Variants in COL4A4 observed in about 807,000 individuals in gnomAD.
COL4A4 encodes collagen type IV alpha 4 chain.
A neutral mutation model predicts 192.9 loss-of-function variants in COL4A4; 105 were observed. The ratio of observed to expected loss-of-function variants is 0.54; its 90% confidence interval spans 0.46 to 0.64. The LOEUF (loss-of-function observed/expected upper bound fraction) is 0.64. Among genes scored for constraint, COL4A4 ranks in the 30% least tolerant of loss-of-function variants. The probability of loss-of-function intolerance (pLI) is 0.00; values close to 1 mark genes in which losing one functional copy is unlikely to be tolerated. For synonymous variants in COL4A4, 762 were observed against 769.9 expected (o/e 0.99, Z 0.17); for missense variants, 1,967 against 2,169.3 (o/e 0.91, Z 1.85).
rs185206587 is a variant in COL4A4 at position 227,109,952 on chromosome 2, A to G, written c.595-666T>C. ...TTTTGATATACATCAGGATGCTTTT[A>G]AAGTATTATTATTAATTAACATTAT... On this transcript the variant is annotated intron_variant, in intron 9 of 47. Coordinates refer to ENST00000396625, the MANE Select transcript of COL4A4 (RefSeq NM_000092.5). Among the ~76,000 whole-genome samples the G allele has an allele frequency of 3.2e-3, 482 of 152,294 alleles. 4 individuals carry two copies. The highest frequency in any genetic ancestry group is 3.3e-3 in the Admixed American group (51 of 15,304).
At chr2:227,095,003 CA>C (rs1180686978) in intron 19 of COL4A4, among the ~76,000 whole-genome samples, 1 of 152,096 alleles carries the variant, frequency 6.6e-6, no homozygotes, top group Non-Finnish European at 1.5e-5. Context: ...AAAGAAAAAA[CA>C]TAGCTCAAAA....
At chr2:227,081,423 A>G (rs768495382) in intron 23 of COL4A4, among the ~76,000 whole-genome samples, 3 of 152,020 alleles carry the variant, frequency 2.0e-5, no homozygotes, top group Non-Finnish European at 4.4e-5. Flanking sequence ...TGGACTCTTA[A>G]ACTTACATCA....
Position 227,161,240 on chromosome 2 carries a change from G to A in COL4A4, c.-102+2767C>T, listed in dbSNP as rs1049786577. On this transcript the variant is annotated intron_variant, in intron 1 of 47. Coordinates refer to ENST00000396625, the MANE Select transcript of COL4A4 (RefSeq NM_000092.5). ...CACAAAAATGGCCCCTGCCCTAATGGGGCTTACATTGAAATGTAGTGAAGC... is the reference window on the plus strand; with the variant it reads ...CACAAAAATGGCCCCTGCCCTAATGAGGCTTACATTGAAATGTAGTGAAGC... Among the ~76,000 whole-genome samples the A allele has an allele frequency of 3.3e-5, 5 of 152,292 alleles. No individual in the cohort carries two copies. The South Asian group carries it at 6.2e-4, about 19-fold the overall frequency.
chr2:227,097,465 G>A (rs1055473158), intron 19 of COL4A4, among the ~76,000 whole-genome samples: 1 of 152,130 alleles, frequency 6.6e-6, no homozygotes, highest in African/African-American at 2.4e-5. Flanking sequence ...ATGGGTCATA[G>A]TCAAGATTTG....
chr2:227,121,280 G>T, intron 4 of COL4A4, 132 bp from the exon 5 acceptor site: 1 of 1,048,710 alleles, frequency 9.5e-7, no homozygotes, highest in Non-Finnish European at 1.4e-6. Context: ...AGAAACAAAT[G>T]GCTGGAGATG....
intron 3 of COL4A4, among the ~76,000 whole-genome samples, chr2:227,143,566 C>A (rs2063357869): frequency 6.6e-6 from 1 of 152,066 alleles, no homozygotes; most frequent in South Asian, 2.1e-4. Context: ...ATTATGTTTA[C>A]TTGTATGCAA....
chr2:227,141,001 A>T (rs1179274555), intron 3 of COL4A4, among the ~76,000 whole-genome samples: 1 of 152,056 alleles, frequency 6.6e-6, no homozygotes, highest in African/African-American at 2.4e-5. Flanking sequence ...TCCATATAAA[A>T]GCATAGTCCC....
In COL4A4 at chr2:227,011,875, A is replaced by G. The variant is rs1467155236; in HGVS notation, c.4333+306T>C. Among the ~76,000 whole-genome samples the G allele has an allele frequency of 2.6e-5, 4 of 152,234 alleles. No individual in the cohort carries two copies. In the East Asian group the frequency reaches 7.7e-4, roughly 29 times the overall value. ...CAGCCACCAGGCTGACCGTCCCTTC[A>G]TGACCTTGAAAAGTGAACTGCAGAA... On this transcript the variant is annotated intron_variant, in intron 45 of 47. Transcript: ENST00000396625.
At position 227,045,921 on chromosome 2, in the gene COL4A4, GTATATGTATATATGTA is replaced by G. The variant is rs761891415; in HGVS notation, c.3289+1538_3289+1553del. ...AGATAGTATATATATGTATGTATAT[GTATATGTATATATGTA>G]TATATGTATATATGTATATATGTAT... On this transcript the variant is annotated intron_variant, in intron 35 of 47. Coordinates refer to ENST00000396625, the MANE Select transcript of COL4A4 (RefSeq NM_000092.5). Among the ~76,000 whole-genome samples, 259 of 61,688 alleles carry G rather than the reference GTATATGTATATATGTA, an allele frequency of 4.2e-3. 56 individuals carry two copies. Among genetic ancestry groups the G allele is most frequent in the African/African-American group, 0.013 (168 of 12,674 alleles). 40.5% of individuals were successfully genotyped at this position (61,688 alleles called of 152,430 possible).
intron 44 of COL4A4, among the ~76,000 whole-genome samples, chr2:227,012,867 G>T (rs1018035450): frequency 3.3e-5 from 5 of 152,162 alleles, no homozygotes; most frequent in Admixed American, 1.3e-4. Context: ...GTCCAATTCA[G>T]TCTTCTCAGC....
At chr2:227,153,813 A>G (rs2064130739) in intron 1 of COL4A4, among the ~76,000 whole-genome samples, 1 of 152,228 alleles carries the variant, frequency 6.6e-6, no homozygotes, top group African/African-American at 2.4e-5. Context: ...AAAAGAGGAA[A>G]ATGCAAAAAG....
intron 43 of COL4A4, among the ~76,000 whole-genome samples, chr2:227,023,096 T>A (rs1329024801): frequency 6.6e-6 from 1 of 152,014 alleles, no homozygotes; most frequent in African/African-American, 2.4e-5. Context: ...GCCATGTACA[T>A]CTCTAACATG....
chr2:227,125,231 G>A (rs923314241), intron 4 of COL4A4, among the ~76,000 whole-genome samples: 14 of 151,108 alleles, frequency 9.3e-5, no homozygotes, highest in African/African-American at 3.2e-4. Flanking sequence ...TTCTTGAGAT[G>A]GAGTCTCGCT....
intron 25 of COL4A4, among the ~76,000 whole-genome samples, chr2:227,066,887 G>A (rs111906058): frequency 5.9e-5 from 9 of 151,340 alleles, no homozygotes; most frequent in Non-Finnish European, 1.3e-4. Context: ...AAATGTAAAT[G>A]GACTAAATGC....
chr2:227,047,344 GT>G, intron 35 of COL4A4, 130 bp downstream of exon 35: 1 of 728,232 alleles, frequency 1.4e-6, no homozygotes, highest in Non-Finnish European at 2.5e-6. Context: ...TATATAACCC[GT>G]TTTATCTATA....
chr2:227,095,475 A>C (rs1283348331), intron 19 of COL4A4, among the ~76,000 whole-genome samples: 1 of 152,242 alleles, frequency 6.6e-6, no homozygotes, highest in Non-Finnish European at 1.5e-5. Flanking sequence ...TGTAACATCC[A>C]GCAAGAGCAC....
chr2:226,996,432 C>A, the COL4A4 span: 1 of 152,222 alleles, frequency 6.6e-6, no homozygotes, highest in African/African-American at 2.4e-5. Flanking sequence ...AAAACACGCC[C>A]TTGGGCCCCG....
At chr2:227,015,039 C>T (rs560386759) in intron 44 of COL4A4, among the ~76,000 whole-genome samples, 1 of 152,132 alleles carries the variant, frequency 6.6e-6, no homozygotes, top group African/African-American at 2.4e-5. Context: ...GCTGGGACTA[C>T]AGGTGCACGC....
chr2:227,141,331 G>C (rs1028043844), intron 3 of COL4A4, among the ~76,000 whole-genome samples: 1 of 152,174 alleles, frequency 6.6e-6, no homozygotes, highest in East Asian at 1.9e-4. Flanking sequence ...CAAGCCTTTA[G>C]ACCACTGTAT....
Sources: gnomAD v4.1 joint callset for allele counts (sites outside exome capture counted in the v4.1 genomes callset) on GRCh38, gnomAD v4.1.1 for gene constraint, MANE v1.5 for transcripts, NCBI Gene and HGNC (gene_info 2026-07-23, HGNC 2026-07-21) for gene names.